The following MALRD1 variants were observed in gnomAD, a reference collection of about 807,000 sequenced individuals.
The protein encoded by MALRD1 is MAM and LDL receptor class A domain containing 1.
MALRD1 carries 247 observed loss-of-function variants against 242.1 expected under a neutral mutation model. That is an observed-to-expected ratio of 1.02 (90% CI 0.92 to 1.13). The LOEUF (loss-of-function observed/expected upper bound fraction) is 1.13. Among genes scored for constraint, MALRD1 ranks in the 50% most tolerant of loss-of-function variants. The probability of loss-of-function intolerance (pLI) is 0.00; values close to 1 mark genes in which losing one functional copy is unlikely to be tolerated. For synonymous variants in MALRD1, 995 were observed against 866.6 expected (o/e 1.15, Z -2.60); for missense variants, 2,989 against 2,533.1 (o/e 1.18, Z -3.86).
At chr10:19,504,010 A>G (rs896168847) in intron 31 of MALRD1, among the ~76,000 whole-genome samples, 2 of 152,224 alleles carry the variant, frequency 1.3e-5, no homozygotes, top group African/African-American at 4.8e-5. Context: ...ACTCAAGGTC[A>G]GAAAACACCC....
intron 5 of MALRD1, among the ~76,000 whole-genome samples, chr10:19,114,217 A>G (rs1168019319): frequency 6.6e-6 from 1 of 152,226 alleles, no homozygotes; most frequent in Non-Finnish European, 1.5e-5. Flanking sequence ...GCTTTATTGA[A>G]GAAGAATTAA....
intron 25 of MALRD1, among the ~76,000 whole-genome samples, chr10:19,349,662 A>G (rs4303137): frequency 0.55 from 83,380 of 151,966 alleles, 23,117 homozygotes; most frequent in Middle Eastern, 0.59. Flanking sequence ...AAACCCAAGC[A>G]CACCAGATTT....
At chr10:19,255,634 T>A (rs532591027) in intron 18 of MALRD1, among the ~76,000 whole-genome samples, 1 of 152,086 alleles carries the variant, frequency 6.6e-6, no homozygotes, top group Non-Finnish European at 1.5e-5. Flanking sequence ...GTTTCTCAAA[T>A]TGTAATTATT....
chr10:19,300,287 C>T lies in MALRD1; in HGVS notation c.3419+17106C>T, dbSNP rs566948714. On this transcript the variant is annotated intron_variant, in intron 21 of 39. Transcript: ENST00000454679. ...AAGAATCAATGTTAAAATGGCTATACTGCCCAAAGCAATTATAGATTTAAT... is the reference window on the plus strand; with the variant it reads ...AAGAATCAATGTTAAAATGGCTATATTGCCCAAAGCAATTATAGATTTAAT... Among the ~76,000 whole-genome samples the T allele has an allele frequency of 2.7e-3, 413 of 152,044 alleles. 3 individuals carry two copies. The highest frequency in any genetic ancestry group is 8.3e-3 in the African/African-American group (344 of 41,506).
At chr10:19,171,542 A>G (rs866632942) in intron 13 of MALRD1, among the ~76,000 whole-genome samples, 3 of 141,756 alleles carry the variant, frequency 2.1e-5, no homozygotes, top group African/African-American at 2.6e-5. Context: ...ACACATATAT[A>G]TGTCTATGTG....
At chr10:19,354,900 A>G (rs1340480848) in intron 26 of MALRD1, among the ~76,000 whole-genome samples, 1 of 152,192 alleles carries the variant, frequency 6.6e-6, no homozygotes, top group Admixed American at 6.6e-5. Flanking sequence ...CATAAATATT[A>G]AAAATAAAAA....
intron 30 of MALRD1, among the ~76,000 whole-genome samples, chr10:19,496,745 C>G (rs989354997): frequency 6.6e-6 from 1 of 152,096 alleles, no homozygotes; most frequent in Non-Finnish European, 1.5e-5. Flanking sequence ...TATAAGCAAG[C>G]AAATATATGT....
At chr10:19,154,802 A>G (rs989507426) in intron 11 of MALRD1, among the ~76,000 whole-genome samples, 1 of 152,200 alleles carries the variant, frequency 6.6e-6, no homozygotes, top group Non-Finnish European at 1.5e-5. Context: ...ATTTGATGTC[A>G]AACTCTATGA....
At chr10:19,256,613 T>A (rs1839526720) in intron 18 of MALRD1, among the ~76,000 whole-genome samples, 2 of 152,066 alleles carry the variant, frequency 1.3e-5, no homozygotes, top group South Asian at 4.1e-4. Flanking sequence ...CCCAAATTAA[T>A]TAATTTTCTC....
At chr10:19,687,305 A>C (rs1589401079) in intron 36 of MALRD1, among the ~76,000 whole-genome samples, 1 of 152,174 alleles carries the variant, frequency 6.6e-6, no homozygotes. Flanking sequence ...TTACCTGCAA[A>C]GGGCTCTTCT....
At chr10:19,592,761 A>ATG (rs1564467885) in intron 33 of MALRD1, among the ~76,000 whole-genome samples, 2 of 132,822 alleles carry the variant, frequency 1.5e-5, no homozygotes, top group African/African-American at 5.3e-5. Context: ...ACACACACAC[A>ATG]CGCACGCACA....
chr10:19,175,483 T>TATATATATATATATATAGATA (rs199565400), intron 14 of MALRD1, among the ~76,000 whole-genome samples, 155 bp downstream of exon 14: 1 of 148,118 alleles, frequency 6.8e-6, no homozygotes, highest in Non-Finnish European at 1.5e-5. Context: ...TATATATATA[T>TATATATATATATATATAGATA]TTTAAAAGGT....
intron 29 of MALRD1, among the ~76,000 whole-genome samples, chr10:19,474,315 TTATAAA>T (rs1169786793): frequency 6.6e-6 from 1 of 152,196 alleles, no homozygotes; most frequent in East Asian, 1.9e-4. Flanking sequence ...ACATATACAG[TTATAAA>T]TATAGAAACA....
intron 35 of MALRD1, among the ~76,000 whole-genome samples, chr10:19,612,071 T>C (rs1051832803): frequency 2.6e-5 from 4 of 152,026 alleles, no homozygotes; most frequent in Admixed American, 6.6e-5. Context: ...TGTTTTCTGA[T>C]ACTCTGCAGT....
intron 24 of MALRD1, among the ~76,000 whole-genome samples, chr10:19,341,437 T>C (rs974291945): frequency 1.2e-5 from 1 of 82,400 alleles, no homozygotes; most frequent in Non-Finnish European, 2.5e-5. Context: ...TAACACTATA[T>C]GTATATATAT....
chr10:19,218,742 C>G (rs1420694493), intron 18 of MALRD1, among the ~76,000 whole-genome samples: 1 of 152,118 alleles, frequency 6.6e-6, no homozygotes, highest in Non-Finnish European at 1.5e-5. Flanking sequence ...TTTCCGTGTT[C>G]TGAACACAGT....
At chr10:19,439,118 G>A (rs1564340436) in intron 28 of MALRD1, among the ~76,000 whole-genome samples, 3 of 149,690 alleles carry the variant, frequency 2.0e-5, no homozygotes, top group South Asian at 4.1e-4. Flanking sequence ...ATTTGTAATT[G>A]TTTTTTAAAA....
chr10:19,251,915 C>G (rs2131787504), intron 18 of MALRD1, among the ~76,000 whole-genome samples: 1 of 151,988 alleles, frequency 6.6e-6, no homozygotes, highest in East Asian at 1.9e-4. Flanking sequence ...TTCCCCCTTT[C>G]CCCTTCATTC....
intron 29 of MALRD1, among the ~76,000 whole-genome samples, chr10:19,479,846 A>T (rs1053812442): frequency 2.6e-5 from 4 of 152,118 alleles, no homozygotes; most frequent in African/African-American, 9.7e-5. Context: ...TGACTTTTCC[A>T]TCCACGTGGA....
Sources: allele counts gnomAD v4.1 joint callset (sites outside exome capture counted in the v4.1 genomes callset), GRCh38; gene constraint gnomAD v4.1.1; transcripts MANE v1.5; gene names NCBI Gene and HGNC (gene_info 2026-07-23, HGNC 2026-07-21).